Variants in KDM6A observed in about 807,000 individuals in gnomAD.
KDM6A encodes lysine-specific demethylase 6A.
In KDM6A, 11 loss-of-function variants were observed where a neutral mutation model predicts 117.6. The ratio of observed to expected loss-of-function variants is 0.09; its 90% CI spans 0.06 to 0.15. The LOEUF (loss-of-function observed/expected upper bound fraction) is 0.15, where lower values mean the gene tolerates loss of function less well. Ranked by LOEUF, KDM6A falls within the 10% of genes least tolerant of loss-of-function variation. The pLI, the probability that KDM6A is intolerant of heterozygous loss-of-function variation, is 1.00. For missense variants in KDM6A, 799 were observed against 1,077.3 expected, an observed-to-expected ratio of 0.74 and a Z score of 3.62; for synonymous variants, 384 against 396.1, an observed-to-expected ratio of 0.97 and a Z score of 0.36.
intron 3 of KDM6A, among the ~76,000 whole-genome samples, chrX:44,962,528 G>A (rs770071212): frequency 3.2e-4 from 36 of 111,514 alleles, no homozygotes; most frequent in Non-Finnish European, 4.0e-4. Context: ...TTAATACTCC[G>A]TTAGATATTT....
At chrX:44,883,528 A>T (rs777720841) in intron 2 of KDM6A, among the ~76,000 whole-genome samples, 7 of 110,338 alleles carry the variant, frequency 6.3e-5, no homozygotes, top group Non-Finnish European at 1.3e-4. Context: ...GTGCGCCACC[A>T]TGCCTAGCTA....
At chrX:45,094,664 C>T (rs141080940) in intron 27 of KDM6A, among the ~76,000 whole-genome samples, 1,440 of 111,560 alleles carry the variant, frequency 0.013, 27 homozygotes, top group African/African-American at 0.045. Flanking sequence ...TTGAAAGGCT[C>T]GGAGGAACTC....
chrX:44,925,389 A>G (rs1602218840), intron 2 of KDM6A, among the ~76,000 whole-genome samples: 1 of 111,611 alleles, frequency 9.0e-6, no homozygotes, highest in African/African-American at 3.3e-5. Context: ...TCAGAGATCA[A>G]TGCCTTGTAT....
chrX:44,929,080 G>A (rs1212743117), intron 2 of KDM6A, among the ~76,000 whole-genome samples: 4 of 110,085 alleles, frequency 3.6e-5, no homozygotes, highest in Non-Finnish European at 3.8e-5. Context: ...ACAGGTGCGC[G>A]CCACCACACC....
chrX:45,017,684 A>G (rs1207490639), intron 5 of KDM6A, among the ~76,000 whole-genome samples: 1 of 112,101 alleles, frequency 8.9e-6, no homozygotes, highest in Non-Finnish European at 1.9e-5. Flanking sequence ...ATTAACTGTA[A>G]ATGTGATGGC....
chrX:44,920,640 A>G (rs1418637684), intron 2 of KDM6A, among the ~76,000 whole-genome samples: 3 of 108,314 alleles, frequency 2.8e-5, no homozygotes, highest in Non-Finnish European at 5.7e-5. Flanking sequence ...GGGTTTCACC[A>G]TGTTAGAGGA....
intron 4 of KDM6A, among the ~76,000 whole-genome samples, chrX:45,006,836 C>T (rs764678346): frequency 4.5e-5 from 5 of 110,883 alleles, no homozygotes; most frequent in Non-Finnish European, 7.6e-5. Context: ...GAGGCTGAGT[C>T]AGGAGAATTG....
intron 2 of KDM6A, among the ~76,000 whole-genome samples, chrX:44,952,085 G>A (rs1299218518): frequency 9.0e-6 from 1 of 111,718 alleles, no homozygotes; most frequent in Non-Finnish European, 1.9e-5. Context: ...TTTTGCAATA[G>A]CAAAGTGTTT....
intron 18 of KDM6A, 86 bp downstream of exon 18, chrX:45,070,443 G>T: frequency 1.2e-6 from 1 of 857,631 alleles, no homozygotes; most frequent in East Asian, 3.3e-5. Context: ...TTAAGATATG[G>T]GAAGTAAGCA....
At chrX:45,027,381 TAAAGAA>T (rs1253750787) in intron 6 of KDM6A, among the ~76,000 whole-genome samples, 2 of 101,720 alleles carry the variant, frequency 2.0e-5, no homozygotes, top group Non-Finnish European at 3.8e-5. Context: ...GCCCGTCTCT[TAAAGAA>T]AAAGTTATTA....
chrX:44,981,535 TA>T (rs981341846), intron 4 of KDM6A, among the ~76,000 whole-genome samples: 5 of 111,427 alleles, frequency 4.5e-5, no homozygotes, highest in Non-Finnish European at 9.4e-5. Flanking sequence ...ATGGAGGCAT[TA>T]TTATGTAGGC....
Position 44,873,401 on chromosome X carries a change from CGT to C in KDM6A, c.-150_-149del. 1 of 807,998 alleles carries C rather than the reference CGT, an allele frequency of 1.2e-6. No homozygotes were observed. The highest frequency in any genetic ancestry group is 1.7e-6 in the Non-Finnish European group (1 of 572,239). The allele number at this position is 807,998 out of a possible 1,213,427, so 66.6% of individuals were successfully genotyped here. On this transcript the variant is annotated 5_prime_UTR_variant, in exon 1 of 30. Transcript: ENST00000611820. The stretch of plus-strand genomic sequence containing the variant: ...GCCGCCGCCGCCTTCACCGCCGCCG[CGT>C]TGGGATTTTTCGTCGCCGCCGCCCG...
chrX:44,931,575 G>C (rs1438680065), intron 2 of KDM6A, among the ~76,000 whole-genome samples: 1 of 111,125 alleles, frequency 9.0e-6, no homozygotes, highest in Non-Finnish European at 1.9e-5. Flanking sequence ...TGAACCTTGA[G>C]GACGTTATCC....
At chrX:44,938,800 C>T (rs2037124574) in intron 2 of KDM6A, among the ~76,000 whole-genome samples, 1 of 112,277 alleles carries the variant, frequency 8.9e-6, no homozygotes, top group South Asian at 3.6e-4. Flanking sequence ...TAGGTTGAAG[C>T]AATTGCTCAT....
intron 4 of KDM6A, among the ~76,000 whole-genome samples, chrX:44,983,343 T>C (rs2147319765): frequency 8.9e-6 from 1 of 111,834 alleles, no homozygotes; most frequent in South Asian, 3.7e-4. Context: ...TAGTCTGGCT[T>C]TCACATTTGT....
intron 2 of KDM6A, among the ~76,000 whole-genome samples, chrX:44,923,034 C>G (rs1303841227): frequency 9.0e-6 from 1 of 111,168 alleles, no homozygotes; most frequent in Non-Finnish European, 1.9e-5. Flanking sequence ...ACTTTTTTCT[C>G]TCCTGTATTC....
intron 25 of KDM6A, 154 bp downstream of exon 25, chrX:45,086,133 C>T (rs763909590): frequency 2.3e-6 from 1 of 443,267 alleles, no homozygotes; most frequent in East Asian, 4.0e-5. Flanking sequence ...TTCCAAACCT[C>T]ATATTTTGTG....
intron 2 of KDM6A, among the ~76,000 whole-genome samples, chrX:44,944,843 T>C (rs767217871): frequency 6.8e-4 from 76 of 111,887 alleles, no homozygotes; most frequent in African/African-American, 2.4e-3. Context: ...CAGTTGTGTT[T>C]TAAGGAGACT....
chrX:44,987,305 G>A lies in KDM6A; in HGVS notation c.384+12590G>A, dbSNP rs771770776. On this transcript the variant is annotated intron_variant, in intron 4 of 29. Coordinates refer to ENST00000611820, the MANE Select transcript of KDM6A (RefSeq NM_001291415.2). ...TTATTTTGAGCCTATGTGTGTCTCTGCACATGAGATGGGTTTCCTGAATAC... is the reference window on the plus strand; with the variant it reads ...TTATTTTGAGCCTATGTGTGTCTCTACACATGAGATGGGTTTCCTGAATAC... 9.0e-5 allele frequency among the ~76,000 whole-genome samples: 10 copies of A among 111,323 alleles called. No individual in the cohort carries two copies. In the South Asian group the frequency reaches 3.4e-3, roughly 38 times the overall value.
Sources: allele counts gnomAD v4.1 joint callset (sites outside exome capture counted in the v4.1 genomes callset), GRCh38; gene constraint gnomAD v4.1.1; transcripts MANE v1.5; gene names NCBI Gene and HGNC (gene_info 2026-07-23, HGNC 2026-07-21).